ANKMY2: variants seen among roughly 807,000 people sequenced by gnomAD.
ANKMY2 encodes the protein ankyrin repeat and MYND domain-containing protein 2.
ANKMY2 carries 36 observed loss-of-function variants against 50.4 expected under a neutral mutation model. That is an observed-to-expected ratio of 0.71 (90% CI 0.55 to 0.94). The LOEUF is 0.94. ANKMY2 is among the 40% of genes least tolerant of loss of function. The pLI, the probability that ANKMY2 is intolerant of heterozygous loss-of-function variation, is 0.00. For missense variants in ANKMY2, 565 were observed against 524.0 expected, an observed-to-expected ratio of 1.08 and a Z score of -0.76; for synonymous variants, 187 against 178.8, an observed-to-expected ratio of 1.05 and a Z score of -0.36.
In ANKMY2 at chr7:16,600,645, T is replaced by C. The variant is rs1048439664; in HGVS notation, c.*116A>G. 106 of 832,840 alleles carry C rather than the reference T, an allele frequency of 1.3e-4. No homozygotes were observed. In the East Asian group the frequency reaches 2.9e-3, roughly 22 times the overall value. 51.6% of individuals were successfully genotyped at this position (832,840 alleles called of 1,614,324 possible). On this transcript the variant is annotated 3_prime_UTR_variant, in exon 10 of 10. Coordinates refer to ENST00000306999, the MANE Select transcript of ANKMY2 (RefSeq NM_020319.3). Reference sequence around the variant, plus strand: ...GCTTGAAAACCTGTATTCTATGAAATGTGGAATCCTGCCATGGTGCCACGC... The same window carrying C: ...GCTTGAAAACCTGTATTCTATGAAACGTGGAATCCTGCCATGGTGCCACGC...
At chr7:16,644,696 C>G (rs1371671508) in intron 1 of ANKMY2, 4 of 471,022 alleles carry the variant, frequency 8.5e-6, no homozygotes, top group African/African-American at 6.0e-5. Flanking sequence ...TGCCAGGTAA[C>G]GGGACTCGGC....
chr7:16,605,975 A>G (rs1363172141), intron 7 of ANKMY2, among the ~76,000 whole-genome samples: 2 of 150,872 alleles, frequency 1.3e-5, no homozygotes, highest in Non-Finnish European at 3.0e-5. Context: ...GAGCCACCAC[A>G]CCTGGCCAAT....
At chr7:16,614,616 T>C (rs557850106) in intron 5 of ANKMY2, among the ~76,000 whole-genome samples, 12 of 152,332 alleles carry the variant, frequency 7.9e-5, no homozygotes, top group African/African-American at 2.9e-4. Context: ...TTGGATCTTA[T>C]ATCTTTGAGT....
rs749678816 is a variant in ANKMY2 at position 16,645,617 on chromosome 7, TAAAA to T, written c.-48_-45del. ...GGTTATTCCCTTTCTTAGGGAGTAT[TAAAA>T]AAGAAACGATGCGTCTGTATTGGGA... On this transcript the variant is annotated 5_prime_UTR_variant, in exon 1 of 10. Coordinates refer to ENST00000306999, the MANE Select transcript of ANKMY2 (RefSeq NM_020319.3). 8.2e-6 allele frequency: 13 copies of T among 1,588,108 alleles called. No individual in the cohort carries two copies. The highest frequency in any genetic ancestry group is 2.3e-5 in the East Asian group (1 of 43,432).
chr7:16,615,760 TTCG>T lies in ANKMY2; in HGVS notation c.512_514del (p.Thr171del). On this transcript the variant is annotated inframe_deletion, in exon 5 of 10. Coordinates refer to ENST00000306999, the MANE Select transcript of ANKMY2 (RefSeq NM_020319.3). ...CCACACTACCTTGACAGGATGAAGA[TTCG>T]TTGTGGTGATAATTTTGTGCAGCGG... The T allele has an allele frequency of 6.2e-7, 1 of 1,614,170 alleles. No individual in the cohort carries two copies. Among genetic ancestry groups the T allele is most frequent in the Non-Finnish European group, 8.5e-7 (1 of 1,180,030 alleles).
intron 4 of ANKMY2, among the ~76,000 whole-genome samples, chr7:16,622,735 A>G (rs62443209): frequency 0.18 from 26,710 of 146,516 alleles, 2,637 homozygotes; most frequent in Middle Eastern, 0.27. Context: ...GCGAGACTCC[A>G]TCTCAAAAAT....
chr7:16,615,170 T>C (rs1022205401), intron 5 of ANKMY2, among the ~76,000 whole-genome samples: 1 of 152,236 alleles, frequency 6.6e-6, no homozygotes, highest in African/African-American at 2.4e-5. Context: ...AGCCACTTAG[T>C]TTAAAAATGT....
intron 4 of ANKMY2, 78 bp downstream of exon 4, chr7:16,624,905 A>G: frequency 8.1e-7 from 1 of 1,232,370 alleles, no homozygotes; most frequent in Non-Finnish European, 1.2e-6. Context: ...TATTTTCACC[A>G]TGAGAAGCAA....
chr7:16,638,907 G>A (rs1047961239), intron 1 of ANKMY2, among the ~76,000 whole-genome samples: 2 of 152,170 alleles, frequency 1.3e-5, no homozygotes, highest in African/African-American at 4.8e-5. Flanking sequence ...TCTGTGTTAG[G>A]AGCCAGTGGC....
At chr7:16,624,921 G>T in intron 4 of ANKMY2, 62 bp downstream of exon 4, 3 of 1,442,662 alleles carry the variant, frequency 2.1e-6, no homozygotes, top group East Asian at 2.3e-5. Flanking sequence ...AGCAAAGTGG[G>T]TTTTTTTTCC....
chr7:16,627,214 T>G, intron 2 of ANKMY2, 36 bp from the exon 3 acceptor site: 1 of 1,464,190 alleles, frequency 6.8e-7, no homozygotes, highest in Non-Finnish European at 9.3e-7. Flanking sequence ...TTAATTTTAC[T>G]GTTTTATCTT....
chr7:16,602,631 A>C, intron 8 of ANKMY2, 122 bp from the exon 9 acceptor site: 1 of 1,261,664 alleles, frequency 7.9e-7, no homozygotes, highest in Admixed American at 2.4e-5. Context: ...TTAAAACCAT[A>C]ATATGTGGTT....
At chr7:16,636,098 T>A (rs1165820029) in intron 2 of ANKMY2, among the ~76,000 whole-genome samples, 1 of 151,598 alleles carries the variant, frequency 6.6e-6, no homozygotes, top group East Asian at 1.9e-4. Flanking sequence ...GAGGTCAGGG[T>A]TCGAGCTCAG....
At chr7:16,629,787 G>A (rs1380524195) in intron 2 of ANKMY2, among the ~76,000 whole-genome samples, 1 of 152,126 alleles carries the variant, frequency 6.6e-6, no homozygotes, top group East Asian at 1.9e-4. Flanking sequence ...ATTTAGAACA[G>A]TATGAAGGAA....
At chr7:16,640,738 TG>T (rs1372741512) in intron 1 of ANKMY2, among the ~76,000 whole-genome samples, 5 of 152,088 alleles carry the variant, frequency 3.3e-5, no homozygotes, top group Admixed American at 1.3e-4. Flanking sequence ...AGACCCAGGC[TG>T]GTGGCAAACT....
Position 16,600,672 on chromosome 7 carries a change from G to T in ANKMY2, c.*89C>A. 8.4e-7 allele frequency: 1 copy of T among 1,183,928 alleles called. No individual in the cohort carries two copies. The highest frequency in any genetic ancestry group is 1.1e-6 in the Non-Finnish European group (1 of 873,364). 73.3% of individuals were successfully genotyped at this position (1,183,928 alleles called of 1,614,324 possible). A position where few individuals can be genotyped will look rare whatever the true frequency, so the allele number is the denominator to read the frequency against. On this transcript the variant is annotated 3_prime_UTR_variant, in exon 10 of 10. Coordinates refer to ENST00000306999, the MANE Select transcript of ANKMY2 (RefSeq NM_020319.3). ...TGGAATCCTGCCATGGTGCCACGCA[G>T]GTATAACAAGGTGAGGACAATGCAT...
At chr7:16,602,592 T>A in intron 8 of ANKMY2, 83 bp from the exon 9 acceptor site, 1 of 1,468,762 alleles carries the variant, frequency 6.8e-7, no homozygotes, top group Non-Finnish European at 9.1e-7. Context: ...AGAACTAAGC[T>A]ATAAAAATGT....
intron 1 of ANKMY2, among the ~76,000 whole-genome samples, chr7:16,645,087 T>C (rs1356482224): frequency 6.6e-6 from 1 of 152,052 alleles, no homozygotes; most frequent in Non-Finnish European, 1.5e-5. Flanking sequence ...AGGATCCAGA[T>C]CATTCGGCCT....
rs750083558 is a variant in ANKMY2 at position 16,645,592 on chromosome 7, GGT to G, written c.-21_-20del. Reference sequence around the variant, plus strand: ...GAACCATTGCTCCCGCCAGCTTGAAGGTTATTCCCTTTCTTAGGGAGTATTAA... The same window carrying G: ...GAACCATTGCTCCCGCCAGCTTGAAGTATTCCCTTTCTTAGGGAGTATTAA... On this transcript the variant is annotated 5_prime_UTR_variant, in exon 1 of 10. Transcript: ENST00000306999. 1.2e-6 allele frequency: 2 copies of G among 1,608,276 alleles called. No individual in the cohort carries two copies. Among genetic ancestry groups the G allele is most frequent in the Non-Finnish European group, 1.7e-6 (2 of 1,177,636 alleles).
Sources: gnomAD v4.1 joint callset for allele counts (sites outside exome capture counted in the v4.1 genomes callset) on GRCh38, gnomAD v4.1.1 for gene constraint, MANE v1.5 for transcripts, NCBI Gene and HGNC (gene_info 2026-07-23, HGNC 2026-07-21) for gene names.